The following DERL1 variants were observed in gnomAD, a reference collection of about 807,000 sequenced individuals.
DERL1 encodes derlin 1.
DERL1 carries 24 observed loss-of-function variants against 41.6 expected under a neutral mutation model. The ratio of observed to expected loss-of-function variants is 0.58; its 90% CI spans 0.42 to 0.81. The LOEUF is 0.81. DERL1 is among the 30% of genes least tolerant of loss of function. The pLI is 0.00. For synonymous variants in DERL1, 124 were observed against 112.5 expected (o/e 1.10, Z -0.65); for missense variants, 260 against 314.3 (o/e 0.83, Z 1.31).
intron 1 of DERL1, among the ~76,000 whole-genome samples, chr8:123,033,836 C>T (rs1186774970): frequency 3.9e-5 from 6 of 152,204 alleles, no homozygotes; most frequent in African/African-American, 1.4e-4. Context: ...TTGTCTAATT[C>T]ACTGGCTGGC....
At position 123,030,159 on chromosome 8, in the gene DERL1, TGA is replaced by T. The variant is rs1812791507; in HGVS notation, c.265+444_265+445del. The stretch of plus-strand genomic sequence containing the variant: ...TTGGCTATATACTGTATTTTAGAGT[TGA>T]GTTTTTCAATTAGAGAATAAATCTA... On this transcript the variant is annotated intron_variant, in intron 2 of 7. Coordinates refer to ENST00000259512, the MANE Select transcript of DERL1 (RefSeq NM_024295.6). The T allele has an allele frequency of 2.0e-5, 3 of 153,636 alleles. No individual in the cohort carries two copies. The South Asian group carries it at 6.1e-4, about 31-fold the overall frequency. The allele number at this position is 153,636 out of a possible 1,614,324, so 9.5% of individuals were successfully genotyped here.
chr8:123,021,177 C>A (rs1814754734), intron 6 of DERL1, among the ~76,000 whole-genome samples: 1 of 152,078 alleles, frequency 6.6e-6, no homozygotes, highest in African/African-American at 2.4e-5. Context: ...AATAGTGAAT[C>A]CAGAAATACA....
At chr8:123,026,438 G>A (rs1426512304) in intron 2 of DERL1, among the ~76,000 whole-genome samples, 5 of 152,082 alleles carry the variant, frequency 3.3e-5, no homozygotes, top group African/African-American at 1.2e-4. Context: ...AAATTAACTG[G>A]TTTCAAATTA....
rs1355484846 is a variant in DERL1, at chr8:123,024,987, A to G, written c.329T>C (p.Val110Ala). Residue 110 changes from valine (V) to alanine (A), a missense_variant and splice_region_variant, in exon 3 of 8, where the codon GTG becomes GCG. By Grantham distance (64) the Val-to-Ala change is moderately conservative. Coordinates refer to ENST00000259512, the MANE Select transcript of DERL1 (RefSeq NM_024295.6). ...FMLLFNWICI[V>A]ITGLAMDMQL... is the part of the protein sequence containing the mutation. ...CCAAAATCACAGACTGAAGGATACC[A>G]CGATGCAAATCCAGTTAAAGAGGAG... 12 of 1,613,740 alleles carry G rather than the reference A, an allele frequency of 7.4e-6. No homozygotes were observed. The highest frequency in any genetic ancestry group is 1.0e-5 in the Non-Finnish European group (12 of 1,179,906).
intron 7 of DERL1, 116 bp from the exon 8 acceptor site, chr8:123,015,701 T>G: frequency 7.5e-7 from 1 of 1,331,056 alleles, no homozygotes; most frequent in Non-Finnish European, 9.9e-7. Flanking sequence ...ACTTGTCATG[T>G]TGAAGGCAGC....
At chr8:123,030,211 T>A (rs1812792226) in intron 2 of DERL1, 1 of 155,574 alleles carries the variant, frequency 6.4e-6, no homozygotes. Context: ...TAAATTGATG[T>A]TTTTCAACCC....
At chr8:123,015,709 A>G (rs1586456107) in intron 7 of DERL1, 124 bp from the exon 8 acceptor site, 1 of 1,236,584 alleles carries the variant, frequency 8.1e-7, no homozygotes, top group East Asian at 2.6e-5. Flanking sequence ...TGTTGAAGGC[A>G]GCGAGGGACG....
intron 2 of DERL1, 56 bp from the exon 3 acceptor site, chr8:123,025,106 T>C (rs1219481160): frequency 6.4e-6 from 10 of 1,563,460 alleles, no homozygotes; most frequent in Non-Finnish European, 6.1e-6. Context: ...CAAAGTAACA[T>C]CTACATAGAG....
At chr8:123,017,409 T>C (rs1814604987) in intron 7 of DERL1, 1 of 152,180 alleles carries the variant, frequency 6.6e-6, no homozygotes, top group Admixed American at 6.5e-5. Flanking sequence ...GAGAAAATGC[T>C]AGGGCTGTCT....
chr8:123,028,029 T>TC (rs1204912575), intron 2 of DERL1, among the ~76,000 whole-genome samples: 3 of 127,600 alleles, frequency 2.4e-5, no homozygotes, highest in East Asian at 2.3e-4. Context: ...GCTACTGCAC[T>TC]CCCCCGACTG....
At position 123,030,669 on chromosome 8, in the gene DERL1, T is replaced by A; in HGVS notation, c.201A>T (p.Gly67=). The A allele has an allele frequency of 6.2e-7, 1 of 1,612,810 alleles. No individual in the cohort carries two copies. The highest frequency in any genetic ancestry group is 8.5e-7 in the Non-Finnish European group (1 of 1,179,614). The change falls in exon 2 of 8, where the codon GGA becomes GGT. Residue 67 remains glycine (G), a synonymous_variant. Coordinates refer to ENST00000259512, the MANE Select transcript of DERL1 (RefSeq NM_024295.6). ...AATTGACCAAATAAAGAAATCCAGT[T>A]CCTGGACCCACAGGGAAATAAAAGG... is the stretch of plus-strand genomic sequence containing the variant. ...TATFYFPVGP[G]TGFLYLVNLY... is the part of the protein sequence containing the mutation.
At chr8:123,027,356 T>C (rs947901409) in intron 2 of DERL1, among the ~76,000 whole-genome samples, 2 of 146,772 alleles carry the variant, frequency 1.4e-5, no homozygotes, top group Admixed American at 6.8e-5. Context: ...GAGGAAGGGA[T>C]TGAATGAAAA....
At chr8:123,035,211 A>C in intron 1 of DERL1, among the ~76,000 whole-genome samples, 1 of 152,168 alleles carries the variant, frequency 6.6e-6, no homozygotes, top group East Asian at 1.9e-4. Context: ...AAAATATCTC[A>C]CTTCTTTTCC....
intron 1 of DERL1, among the ~76,000 whole-genome samples, chr8:123,031,552 A>T (rs562187727): frequency 6.6e-6 from 1 of 152,188 alleles, no homozygotes; most frequent in Middle Eastern, 3.2e-3. Context: ...TCAAAAAATT[A>T]AATTTAATTT....
chr8:123,035,859 T>G (rs1422941436), intron 1 of DERL1, among the ~76,000 whole-genome samples: 2 of 152,158 alleles, frequency 1.3e-5, no homozygotes, highest in African/African-American at 4.8e-5. Context: ...ATCTAGTGTT[T>G]TTTTTTTTAA....
At chr8:123,022,122 T>C (rs1231763245) in intron 5 of DERL1, among the ~76,000 whole-genome samples, 2 of 152,182 alleles carry the variant, frequency 1.3e-5, no homozygotes, top group Non-Finnish European at 2.9e-5. Context: ...TACAGCTACA[T>C]GTGCTAAGTA....
intron 1 of DERL1, among the ~76,000 whole-genome samples, chr8:123,032,891 T>C (rs1172746318): frequency 2.0e-5 from 3 of 148,322 alleles, no homozygotes; most frequent in Admixed American, 6.8e-5. Context: ...TGAGACAAGG[T>C]CTCAGTCTGT....
intron 2 of DERL1, among the ~76,000 whole-genome samples, chr8:123,027,879 T>C (rs187983843): frequency 2.0e-5 from 3 of 152,192 alleles, no homozygotes; most frequent in African/African-American, 7.2e-5. Flanking sequence ...CTGGCCAACA[T>C]GGCGAAATGC....
At chr8:123,018,662 GATAAA>G (rs1814651404) in intron 7 of DERL1, 1 of 152,908 alleles carries the variant, frequency 6.5e-6, no homozygotes, top group Non-Finnish European at 1.5e-5. Context: ...CCTAAAAGCA[GATAAA>G]GAGCACAAAC....
Sources: gnomAD v4.1 joint callset for allele counts (sites outside exome capture counted in the v4.1 genomes callset) on GRCh38, gnomAD v4.1.1 for gene constraint, MANE v1.5 for transcripts, NCBI Gene and HGNC (gene_info 2026-07-23, HGNC 2026-07-21) for gene names.